The following STK31 variants were observed in gnomAD, a reference collection of about 807,000 sequenced individuals.
The protein encoded by STK31 is serine/threonine-protein kinase 31.
In STK31, 89 loss-of-function variants were observed where a neutral mutation model predicts 129.7. The ratio of observed to expected loss-of-function variants is 0.69; its 90% CI spans 0.58 to 0.82. The LOEUF (loss-of-function observed/expected upper bound fraction) is 0.82, where lower values mean the gene tolerates loss of function less well. STK31 is among the 40% of genes least tolerant of loss of function. The pLI is 0.00. For missense variants in STK31, 1,187 were observed against 1,176.4 expected (o/e 1.01, Z -0.13); for synonymous variants, 448 against 395.3 (o/e 1.13, Z -1.58).
chr7:23,816,781 G>T (rs182036931), intron 23 of STK31, among the ~76,000 whole-genome samples: 2 of 152,292 alleles, frequency 1.3e-5, no homozygotes, highest in Non-Finnish European at 2.9e-5. Context: ...CATAGTTTTT[G>T]ATAGTATTCT....
chr7:23,821,954 G>A lies in STK31; in HGVS notation c.2829+6742G>A, dbSNP rs146590439. On this transcript the variant is annotated intron_variant, in intron 23 of 23. Transcript: ENST00000355870. Reference sequence around the variant, plus strand: ...TTCTTGGTGCCTTTGTGGGAAATTGGTTGGCTGTTTATTTCTGGGGTTTCA... The same window carrying A: ...TTCTTGGTGCCTTTGTGGGAAATTGATTGGCTGTTTATTTCTGGGGTTTCA... Among the ~76,000 whole-genome samples, 680 of 152,072 alleles carry A rather than the reference G, an allele frequency of 4.5e-3. 4 individuals are homozygous for A. Among genetic ancestry groups the A allele is most frequent in the Middle Eastern group, 0.045 (13 of 292 alleles).
chr7:23,748,524 C>A (rs1306394239), intron 8 of STK31, among the ~76,000 whole-genome samples: 1 of 152,136 alleles, frequency 6.6e-6, no homozygotes, highest in African/African-American at 2.4e-5. Flanking sequence ...TTATGCCTGC[C>A]TCTCCAGCCT....
chr7:23,736,752 T>C (rs1186295046), intron 7 of STK31, 152 bp from the exon 8 acceptor site: 1 of 513,622 alleles, frequency 1.9e-6, no homozygotes, highest in Non-Finnish European at 3.2e-6. Flanking sequence ...CATTAAATTA[T>C]TTTTTAATAT....
chr7:23,763,679 ACT>A lies in STK31; in HGVS notation c.1416+759_1416+760del, dbSNP rs1009349857. ...TTTATGTACTGGTGTTTCTCTGATA[ACT>A]CTGCTGATCTCTCTTTTAGTTCTCA... On this transcript the variant is annotated intron_variant, in intron 11 of 23. Transcript: ENST00000355870. Among the ~76,000 whole-genome samples the A allele has an allele frequency of 8.5e-5, 13 of 152,058 alleles. 1 individual carries two copies. The highest frequency in any genetic ancestry group is 8.3e-4 in the South Asian group (4 of 4,828).
chr7:23,779,638 A>G (rs975022852), intron 15 of STK31, among the ~76,000 whole-genome samples: 1 of 151,550 alleles, frequency 6.6e-6, no homozygotes, highest in African/African-American at 2.4e-5. Context: ...TTACACTGTG[A>G]GGGGAAAACT....
intron 22 of STK31, among the ~76,000 whole-genome samples, chr7:23,808,365 A>G (rs1362038295): frequency 6.6e-6 from 1 of 151,698 alleles, no homozygotes; most frequent in African/African-American, 2.4e-5. Context: ...ACACCGGGAG[A>G]CCAGGAGGAG....
At chr7:23,770,856 T>A in intron 13 of STK31, 149 bp from the exon 14 acceptor site, 4 of 817,746 alleles carry the variant, frequency 4.9e-6, no homozygotes, top group Non-Finnish European at 7.4e-6. Context: ...ATCTTCTGAC[T>A]AGGAAAACAT....
At chr7:23,797,562 A>G (rs905185450) in intron 22 of STK31, among the ~76,000 whole-genome samples, 4 of 152,192 alleles carry the variant, frequency 2.6e-5, no homozygotes, top group Admixed American at 6.5e-5. Context: ...TTTGAAACCA[A>G]TGAGAACAAA....
intron 10 of STK31, among the ~76,000 whole-genome samples, chr7:23,756,040 A>G (rs1245202813): frequency 2.6e-5 from 4 of 152,122 alleles, no homozygotes; most frequent in Non-Finnish European, 4.4e-5. Context: ...AAGAATGTCA[A>G]TGGTAGCTTG....
intron 23 of STK31, among the ~76,000 whole-genome samples, chr7:23,816,184 A>T (rs544270708): frequency 1.2e-4 from 19 of 152,256 alleles, no homozygotes; most frequent in African/African-American, 4.6e-4. Flanking sequence ...TTTGTGTTAC[A>T]CTTCCTGATT....
chr7:23,771,316 G>T (rs1346534627), intron 14 of STK31, 192 bp downstream of exon 14: 1 of 432,792 alleles, frequency 2.3e-6, no homozygotes, highest in Non-Finnish European at 3.7e-6. Context: ...ATTTTATTAT[G>T]TCCATGAGAA....
intron 8 of STK31, among the ~76,000 whole-genome samples, chr7:23,739,119 C>T (rs563763401): frequency 2.8e-4 from 42 of 152,296 alleles, no homozygotes; most frequent in African/African-American, 1.0e-3. Context: ...CCTATTTCTC[C>T]ACATCGTCTC....
chr7:23,778,621 TTTGGCTATTGATAC>T (rs1790709076), intron 15 of STK31, among the ~76,000 whole-genome samples: 1 of 151,948 alleles, frequency 6.6e-6, no homozygotes, highest in Non-Finnish European at 1.5e-5. Context: ...GCTTGATTGA[TTTGGCTATTGATAC>T]TTGTGTATGC....
chr7:23,777,969 G>C (rs538798407), intron 15 of STK31, among the ~76,000 whole-genome samples: 91 of 152,260 alleles, frequency 6.0e-4, no homozygotes, highest in Non-Finnish European at 1.2e-3. Context: ...TGCATTGGCT[G>C]GAACCAGTTG....
intron 4 of STK31, chr7:23,726,031 C>T (rs1238986361): frequency 6.6e-6 from 1 of 152,160 alleles, no homozygotes; most frequent in African/African-American, 2.4e-5. Flanking sequence ...CATTCACTTC[C>T]ACGAGAATGG....
intron 22 of STK31, among the ~76,000 whole-genome samples, chr7:23,808,943 T>TTATGTGTGTGTGTG (rs71552258): frequency 4.9e-4 from 41 of 84,536 alleles, no homozygotes; most frequent in African/African-American, 8.1e-4. Context: ...CTTGGAGCTT[T>TTATGTGTGTGTGTG]TGTGTGTGTG....
At chr7:23,739,508 T>G (rs1303034387) in intron 8 of STK31, among the ~76,000 whole-genome samples, 1 of 152,234 alleles carries the variant, frequency 6.6e-6, no homozygotes, top group Non-Finnish European at 1.5e-5. Flanking sequence ...TTGGCTCTTG[T>G]TCCCATTGCT....
In STK31 at chr7:23,817,193, A is replaced by AT. The variant is rs1383793446; in HGVS notation, c.2829+1981_2829+1982insT. ...ACAGAACAAGACTTTGTCTCAAAAA[A>AT]AAAAAAATAATAATAATAATCTGCC... On this transcript the variant is annotated intron_variant, in intron 23 of 23. Transcript: ENST00000355870. 1.3e-4 allele frequency among the ~76,000 whole-genome samples: 20 copies of AT among 152,022 alleles called. No homozygotes were observed. In the East Asian group the frequency reaches 1.7e-3, roughly 13 times the overall value.
At chr7:23,778,429 G>A (rs1354495677) in intron 15 of STK31, among the ~76,000 whole-genome samples, 2 of 152,092 alleles carry the variant, frequency 1.3e-5, no homozygotes, top group Admixed American at 1.3e-4. Flanking sequence ...GCTTAAGTGT[G>A]TTTTCCAACT....
Sources: gnomAD v4.1 joint callset for allele counts (sites outside exome capture counted in the v4.1 genomes callset) on GRCh38, gnomAD v4.1.1 for gene constraint, MANE v1.5 for transcripts, NCBI Gene and HGNC (gene_info 2026-07-23, HGNC 2026-07-21) for gene names.